The following CCSER1 variants were observed in gnomAD, a reference collection of about 807,000 sequenced individuals.
The protein encoded by CCSER1 is coiled-coil serine rich protein 1, also known as serine-rich coiled-coil domain-containing protein 1.
In CCSER1, 41 loss-of-function variants were observed where a neutral mutation model predicts 82.0. The ratio of observed to expected loss-of-function variants is 0.50; its 90% CI spans 0.39 to 0.65. The LOEUF is 0.65. Among genes scored for constraint, CCSER1 ranks in the 30% least tolerant of loss-of-function variants. The pLI, the probability that CCSER1 is intolerant of heterozygous loss-of-function variation, is 0.00. For synonymous variants in CCSER1, 414 were observed against 383.9 expected (o/e 1.08, Z -0.92); for missense variants, 1,119 against 1,064.2 (o/e 1.05, Z -0.72).
chr4:91,141,698 T>A (rs2148930712), intron 10 of CCSER1, among the ~76,000 whole-genome samples: 1 of 152,270 alleles, frequency 6.6e-6, no homozygotes, highest in South Asian at 2.1e-4. Context: ...CTTTGAGAAA[T>A]CTCTAAACTG....
rs58640322 is a variant in CCSER1, at chr4:90,286,821, A to G, written c.-41-21423A>G. Among the ~76,000 whole-genome samples the G allele has an allele frequency of 4.3e-3, 647 of 152,172 alleles. 2 individuals are homozygous for G. Among genetic ancestry groups the G allele is most frequent in the African/African-American group, 0.015 (627 of 41,562 alleles). ...AACAGATTTTACATTCTTTGGAAAT[A>G]TCACTGTTCTTTGGAAACTTCACCC... On this transcript the variant is annotated intron_variant, in intron 1 of 10. Transcript: ENST00000509176.
chr4:91,029,582 T>C (rs1254618559), intron 9 of CCSER1, among the ~76,000 whole-genome samples: 2 of 152,042 alleles, frequency 1.3e-5, no homozygotes, highest in African/African-American at 2.4e-5. Context: ...TTGTCATGAT[T>C]TGGGATTACA....
At chr4:90,684,839 C>T (rs1399415) in intron 6 of CCSER1, among the ~76,000 whole-genome samples, 69,778 of 151,776 alleles carry the variant, frequency 0.46, 16,435 homozygotes, top group Middle Eastern at 0.58. Flanking sequence ...CGGGGGTGGA[C>T]TCTTGCACAA....
intron 9 of CCSER1, among the ~76,000 whole-genome samples, chr4:91,045,663 T>C (rs1012045402): frequency 6.6e-6 from 1 of 152,202 alleles, no homozygotes; most frequent in African/African-American, 2.4e-5. Flanking sequence ...ATAATGAGAT[T>C]CTTTGATAGA....
intron 4 of CCSER1, among the ~76,000 whole-genome samples, chr4:90,433,183 A>G (rs1758540444): frequency 1.3e-5 from 2 of 152,070 alleles, no homozygotes; most frequent in Admixed American, 6.6e-5. Context: ...CAAACTCCTG[A>G]TTTTTGTGCA....
At chr4:90,717,781 GTGTGTATATATATATA>G (rs1741917784) in intron 6 of CCSER1, among the ~76,000 whole-genome samples, 2 of 148,718 alleles carry the variant, frequency 1.3e-5, no homozygotes, top group Non-Finnish European at 3.0e-5. Flanking sequence ...GTATATATAT[GTGTGTATATATATATA>G]TGTGTATATA....
At chr4:90,276,224 T>TTCTTTC in intron 1 of CCSER1, among the ~76,000 whole-genome samples, 3 of 100,926 alleles carry the variant, frequency 3.0e-5, no homozygotes, top group African/African-American at 1.2e-4. Context: ...CTTTCTTTCT[T>TTCTTTC]TCTTTCTTTC....
intron 9 of CCSER1, among the ~76,000 whole-genome samples, chr4:91,032,350 A>G (rs987910391): frequency 6.6e-6 from 1 of 152,194 alleles, no homozygotes. Flanking sequence ...AAATTGAAGC[A>G]TCATTTGTAC....
intron 9 of CCSER1, among the ~76,000 whole-genome samples, chr4:90,986,299 T>C (rs1477791057): frequency 6.6e-6 from 1 of 151,780 alleles, no homozygotes; most frequent in Non-Finnish European, 1.5e-5. Context: ...AAAACTAGCT[T>C]GACTAGTTTT....
chr4:90,904,189 C>T (rs72881390), intron 8 of CCSER1, among the ~76,000 whole-genome samples: 3,647 of 152,054 alleles, frequency 0.024, 108 homozygotes, highest in African/African-American at 0.068. Flanking sequence ...TTAAACTAAA[C>T]GGAAATTTAT....
intron 10 of CCSER1, among the ~76,000 whole-genome samples, chr4:91,211,158 T>C (rs766890963): frequency 3.3e-5 from 5 of 152,044 alleles, no homozygotes; most frequent in African/African-American, 4.8e-5. Context: ...GGAGTGAAGA[T>C]AGAGAATGGG....
At chr4:91,202,619 T>C (rs1735994315) in intron 10 of CCSER1, among the ~76,000 whole-genome samples, 1 of 151,972 alleles carries the variant, frequency 6.6e-6, no homozygotes, top group Non-Finnish European at 1.5e-5. Context: ...CAAAGCATTA[T>C]TACCAGAAAG....
chr4:91,251,557 A>G (rs1740264022), intron 10 of CCSER1, among the ~76,000 whole-genome samples: 1 of 152,164 alleles, frequency 6.6e-6, no homozygotes, highest in Non-Finnish European at 1.5e-5. Flanking sequence ...TCTGGCATAT[A>G]TATATATGTA....
chr4:90,146,510 G>A (rs1725834952), intron 1 of CCSER1, among the ~76,000 whole-genome samples: 1 of 151,982 alleles, frequency 6.6e-6, no homozygotes, highest in Non-Finnish European at 1.5e-5. Context: ...TGGTCCAGCA[G>A]CTTGTACTCG....
At chr4:90,191,630 A>G (rs1253373126) in intron 1 of CCSER1, among the ~76,000 whole-genome samples, 2 of 152,018 alleles carry the variant, frequency 1.3e-5, no homozygotes, top group Non-Finnish European at 2.9e-5. Flanking sequence ...ACTCAGATAT[A>G]TTAGGAGAAG....
At chr4:90,400,957 A>G (rs1400824040) in intron 4 of CCSER1, among the ~76,000 whole-genome samples, 2 of 152,280 alleles carry the variant, frequency 1.3e-5, no homozygotes, top group East Asian at 3.9e-4. Context: ...TCAGTCTCTT[A>G]TATGGTAGTG....
chr4:90,393,809 C>T (rs999371570), intron 3 of CCSER1, among the ~76,000 whole-genome samples: 6 of 122,392 alleles, frequency 4.9e-5, no homozygotes, highest in African/African-American at 6.5e-5. Flanking sequence ...CAGGACCTTG[C>T]TCCATCGCCC....
intron 9 of CCSER1, among the ~76,000 whole-genome samples, chr4:90,964,732 A>AG (rs61223357): frequency 2.8e-4 from 3 of 10,850 alleles, no homozygotes; most frequent in Admixed American, 1.1e-3. Context: ...CTCTGTCTCC[A>AG]AAAAAAAAAA....
intron 10 of CCSER1, among the ~76,000 whole-genome samples, chr4:91,109,501 G>T (rs1725914683): frequency 6.6e-6 from 1 of 151,574 alleles, no homozygotes. Context: ...AAAAAAAAAA[G>T]TGTCAAAAGT....
Sources: allele counts gnomAD v4.1 joint callset (sites outside exome capture counted in the v4.1 genomes callset), GRCh38; gene constraint gnomAD v4.1.1; transcripts MANE v1.5; gene names NCBI Gene and HGNC (gene_info 2026-07-23, HGNC 2026-07-21).